VKORC1L1: variants seen among roughly 807,000 people sequenced by gnomAD.
VKORC1L1 encodes vitamin K epoxide reductase complex subunit 1L1.
Under a neutral mutation model 18.9 loss-of-function variants are expected in VKORC1L1, and 2 were observed. The observed-to-expected ratio is 0.11, with a 90% CI of 0.04 to 0.33. VKORC1L1 has a LOEUF of 0.33. VKORC1L1 is among the 10% of genes least tolerant of loss of function. The pLI, the probability that VKORC1L1 is intolerant of heterozygous loss-of-function variation, is 1.00. For synonymous variants in VKORC1L1, 96 were observed against 100.0 expected, an observed-to-expected ratio of 0.96 and a Z score of 0.24; for missense variants, 123 against 224.1, an observed-to-expected ratio of 0.55 and a Z score of 2.88.
chr7:65,958,552 G>A lies in VKORC1L1; in HGVS notation c.*4252G>A, dbSNP rs1790338611. 1 of 152,192 alleles carries A rather than the reference G, an allele frequency of 6.6e-6. No homozygotes were observed. The highest frequency in any genetic ancestry group is 6.6e-5 in the Admixed American group (1 of 15,264). The allele number at this position is 152,192 out of a possible 1,614,324, so 9.4% of individuals were successfully genotyped here. A position where few individuals can be genotyped will look rare whatever the true frequency, so the allele number is the denominator to read the frequency against. On this transcript the variant is annotated 3_prime_UTR_variant, in exon 3 of 3. Transcript: ENST00000360768. ...AATGTAGAAGTTACCTGTGGAAGTT[G>A]TGCTCCCATTATTCTTAAACTGCAG...
At chr7:65,944,691 T>C (rs1790088700) in intron 1 of VKORC1L1, among the ~76,000 whole-genome samples, 1 of 151,454 alleles carries the variant, frequency 6.6e-6, no homozygotes, top group South Asian at 2.1e-4. Flanking sequence ...CCAAAATAGG[T>C]GGAATGCCTG....
At chr7:65,944,694 A>G (rs1203649676) in intron 1 of VKORC1L1, among the ~76,000 whole-genome samples, 2 of 151,954 alleles carry the variant, frequency 1.3e-5, no homozygotes, top group African/African-American at 4.8e-5. Flanking sequence ...AAATAGGTGG[A>G]ATGCCTGAGC....
chr7:65,947,644 C>T (rs1202897468), intron 1 of VKORC1L1, among the ~76,000 whole-genome samples: 1 of 152,000 alleles, frequency 6.6e-6, no homozygotes, highest in African/African-American at 2.4e-5. Flanking sequence ...CAGTTTTTTA[C>T]ATCTGAGATA....
At chr7:65,903,169 A>AT (rs147374619) in intron 1 of VKORC1L1, among the ~76,000 whole-genome samples, 401 of 118,366 alleles carry the variant, frequency 3.4e-3, no homozygotes, top group South Asian at 8.7e-3. Flanking sequence ...CTTGGCCTTC[A>AT]TTTTTTTTTT....
intron 1 of VKORC1L1, among the ~76,000 whole-genome samples, chr7:65,947,991 C>T (rs1253987107): frequency 5.3e-5 from 8 of 152,078 alleles, no homozygotes; most frequent in Non-Finnish European, 1.0e-4. Flanking sequence ...CCCGGCCCTA[C>T]ATTTAAAAAA....
At chr7:65,914,676 A>T (rs1789557317) in intron 1 of VKORC1L1, among the ~76,000 whole-genome samples, 1 of 151,906 alleles carries the variant, frequency 6.6e-6, no homozygotes, top group Non-Finnish European at 1.5e-5. Context: ...TATTATTTTC[A>T]TTCTTAGAAT....
intron 1 of VKORC1L1, among the ~76,000 whole-genome samples, chr7:65,906,970 C>T (rs1055648168): frequency 2.6e-5 from 4 of 152,088 alleles, no homozygotes; most frequent in Admixed American, 2.0e-4. Flanking sequence ...TTTACAGCCC[C>T]TATACAAGGG....
rs1562977243 is a variant in VKORC1L1 at position 65,873,269 on chromosome 7, C to CGGCGGTGGT, written c.-98_-97insTGGTGGCGG. 3.0e-6 allele frequency: 3 copies of CGGCGGTGGT among 985,782 alleles called. No individual in the cohort carries two copies. The African/African-American group carries it at 5.4e-5, about 18-fold the overall frequency. 61.1% of individuals were successfully genotyped at this position (985,782 alleles called of 1,614,324 possible). On this transcript the variant is annotated 5_prime_UTR_variant, in exon 1 of 3. Coordinates refer to ENST00000360768, the MANE Select transcript of VKORC1L1 (RefSeq NM_173517.6). ...GCGGCGGCGGCGGTGGTGGCGGCGG[C>CGGCGGTGGT]GGCGGAGGCGGCGGTGGCGGCGGTG...
rs1333117539 is a variant in VKORC1L1 at position 65,915,399 on chromosome 7, C to T, written c.195-33272C>T. Among the ~76,000 whole-genome samples, 3 of 149,860 alleles carry T rather than the reference C, an allele frequency of 2.0e-5. No individual in the cohort carries two copies. The Admixed American group carries it at 2.0e-4, about 10-fold the overall frequency. ...AGCCACCGCGCCCAGCCTTTGTGAG[C>T]TTATTTTCTGAACTCTTTTTTTTTT... On this transcript the variant is annotated intron_variant, in intron 1 of 2. Coordinates refer to ENST00000360768, the MANE Select transcript of VKORC1L1 (RefSeq NM_173517.6).
intron 1 of VKORC1L1, among the ~76,000 whole-genome samples, chr7:65,939,247 C>T (rs542594496): frequency 7.5e-4 from 114 of 152,272 alleles, no homozygotes; most frequent in Admixed American, 9.8e-4. Flanking sequence ...TAAATGGCCA[C>T]GGCTGTGAAG....
At chr7:65,932,746 TGTG>T (rs528202492) in intron 1 of VKORC1L1, among the ~76,000 whole-genome samples, 79 of 152,324 alleles carry the variant, frequency 5.2e-4, no homozygotes, top group Middle Eastern at 3.4e-3. Context: ...TTGTTTACGA[TGTG>T]GTCTATCTTG....
chr7:65,925,240 T>TC (rs1583852338), intron 1 of VKORC1L1, among the ~76,000 whole-genome samples: 2 of 152,204 alleles, frequency 1.3e-5, no homozygotes, highest in African/African-American at 4.8e-5. Flanking sequence ...GTGTTCTTTG[T>TC]CCCTTGAATG....
At chr7:65,943,569 TC>T (rs2115715202) in intron 1 of VKORC1L1, among the ~76,000 whole-genome samples, 1 of 152,120 alleles carries the variant, frequency 6.6e-6, no homozygotes, top group South Asian at 2.1e-4. Flanking sequence ...GGTCCATTCT[TC>T]CTTTTTAATG....
rs567976545 is a variant in VKORC1L1, at chr7:65,909,740, C to T, written c.194+36175C>T. On this transcript the variant is annotated intron_variant, in intron 1 of 2. Coordinates refer to ENST00000360768, the MANE Select transcript of VKORC1L1 (RefSeq NM_173517.6). ...TGTGTGTGTGTGTGTGTGTGTGTGA[C>T]GGAGGCTTGCTCTGTCGCCCAGGCT... Among the ~76,000 whole-genome samples, 312 of 52,962 alleles carry T rather than the reference C, an allele frequency of 5.9e-3. 3 individuals carry two copies. The highest frequency in any genetic ancestry group is 0.024 in the African/African-American group (283 of 11,674). The allele number at this position is 52,962 out of a possible 152,430, so 34.7% of individuals were successfully genotyped here.
At position 65,954,172 on chromosome 7, in the gene VKORC1L1, C is replaced by G. The variant is rs755221981; in HGVS notation, c.403C>G (p.Leu135Val). The G allele has an allele frequency of 1.9e-6, 3 of 1,613,992 alleles. No homozygotes were observed. Among genetic ancestry groups the G allele is most frequent in the Non-Finnish European group, 2.5e-6 (3 of 1,180,012 alleles). The change falls in exon 3 of 3, where the codon CTG (leucine) becomes GTG (valine). Residue 135 changes from leucine to valine, a missense_variant. Physicochemically the swap from Leu to Val is conservative, Grantham distance 32 (BLOSUM62 1). Transcript: ENST00000360768. ...LYLAYILYFV[L>V]KEFCIICIVT... The stretch of plus-strand genomic sequence containing the variant: ...CCTGGCCTACATTCTGTACTTTGTG[C>G]TGAAGGAGTTCTGCATCATCTGCAT...
intron 1 of VKORC1L1, among the ~76,000 whole-genome samples, chr7:65,906,766 A>G (rs367570855): frequency 6.6e-6 from 1 of 152,190 alleles, no homozygotes; most frequent in African/African-American, 2.4e-5. Context: ...TCCATAATTC[A>G]TGGTTGACTT....
intron 1 of VKORC1L1, among the ~76,000 whole-genome samples, chr7:65,932,114 T>C (rs1161453279): frequency 6.6e-6 from 1 of 152,158 alleles, no homozygotes; most frequent in Non-Finnish European, 1.5e-5. Flanking sequence ...TGTTGTTGTT[T>C]TGAGGCAGGG....
chr7:65,886,743 T>TAGCC (rs1251863253), intron 1 of VKORC1L1, among the ~76,000 whole-genome samples: 2 of 151,642 alleles, frequency 1.3e-5, no homozygotes, highest in Non-Finnish European at 2.9e-5. Flanking sequence ...TTCACCGTGT[T>TAGCC]AGCCAGGATG....
At chr7:65,922,682 C>T (rs150999931) in intron 1 of VKORC1L1, among the ~76,000 whole-genome samples, 84 of 152,250 alleles carry the variant, frequency 5.5e-4, no homozygotes, top group African/African-American at 1.9e-3. Flanking sequence ...CATTTTCAGC[C>T]GAAATGTACA....
Sources: allele counts gnomAD v4.1 joint callset (sites outside exome capture counted in the v4.1 genomes callset), GRCh38; gene constraint gnomAD v4.1.1; transcripts MANE v1.5; gene names NCBI Gene and HGNC (gene_info 2026-07-23, HGNC 2026-07-21).